Variants in PCDHGA8 observed in about 807,000 individuals in gnomAD.
PCDHGA8 encodes the protein protocadherin gamma subfamily A, 8, also known as protocadherin gamma-A8.
PCDHGA8 carries 45 observed loss-of-function variants against 59.2 expected under a neutral mutation model. The observed-to-expected ratio is 0.76, with a 90% CI of 0.60 to 0.98. PCDHGA8 has a LOEUF of 0.98. PCDHGA8 is among the 50% of genes least tolerant of loss of function. The pLI is 0.00. For synonymous variants in PCDHGA8, 531 were observed against 519.0 expected (o/e 1.02, Z -0.32); for missense variants, 1,257 against 1,196.2 (o/e 1.05, Z -0.75).
chr5:141,476,190 C>T lies in PCDHGA8; in HGVS notation c.2425-18617C>T. On this transcript the variant is annotated intron_variant, in intron 1 of 3. Transcript: ENST00000398604. The surrounding 1 kb of genome is among the most constrained non-coding windows in gnomAD (Gnocchi z 7.6). ...GTGGGAGTTTTGCTTCTGCTTGGTG[C>T]CTTGAACAAGGCTTCCACGGTCATT... is the stretch of plus-strand genomic sequence containing the variant. 3.1e-6 allele frequency: 5 copies of T among 1,613,694 alleles called. No individual in the cohort carries two copies. The highest frequency in any genetic ancestry group is 4.2e-6 in the Non-Finnish European group (5 of 1,179,988).
intron 1 of PCDHGA8, chr5:141,427,255 G>C (rs1369151995): frequency 2.2e-6 from 1 of 456,746 alleles, no homozygotes; most frequent in Non-Finnish European, 4.4e-6. Flanking sequence ...GATGGTGGAG[G>C]CATGACCAGC....
intron 1 of PCDHGA8, chr5:141,419,142 G>A (rs1351034238): frequency 6.2e-7 from 1 of 1,613,902 alleles, no homozygotes; most frequent in Non-Finnish European, 8.5e-7. Context: ...ACAGACAGGG[G>A]CAAGCCTCCG....
In PCDHGA8 at chr5:141,450,826, A is replaced by AT. The variant is rs764729742; in HGVS notation, c.2425-43979dup. On this transcript the variant is annotated intron_variant, in intron 1 of 3. Coordinates refer to ENST00000398604, the MANE Select transcript of PCDHGA8 (RefSeq NM_032088.2). ...TATTTATTTATTTAATATTATTATT[A>AT]TTATTTTTTTTTTTTTGAGATGGGG... Among the ~76,000 whole-genome samples, 613 of 134,334 alleles carry AT rather than the reference A, an allele frequency of 4.6e-3. 5 individuals are homozygous for AT. Among genetic ancestry groups the AT allele is most frequent in the African/African-American group, 9.0e-3 (309 of 34,288 alleles). 88.1% of individuals were successfully genotyped at this position (134,334 alleles called of 152,430 possible).
At chr5:141,400,681 T>A in intron 1 of PCDHGA8, 1 of 834,118 alleles carries the variant, frequency 1.2e-6, no homozygotes, top group Non-Finnish European at 1.9e-6. Context: ...CAGTAAATTG[T>A]GAGTTTTTAT....
At chr5:141,494,156 C>T (rs566096073) in intron 1 of PCDHGA8, among the ~76,000 whole-genome samples, 22 of 152,316 alleles carry the variant, frequency 1.4e-4, no homozygotes, top group African/African-American at 4.3e-4. Context: ...TTGTCTGGCA[C>T]GGAGTTCTAG....
chr5:141,418,938 C>G, intron 1 of PCDHGA8: 1 of 1,613,738 alleles, frequency 6.2e-7, no homozygotes, highest in Non-Finnish European at 8.5e-7. Flanking sequence ...ATGGAGGATT[C>G]CCCTCCAGGA....
rs138831045 is a variant in PCDHGA8 at position 141,462,238 on chromosome 5, G to A, written c.2425-32569G>A. Among the ~76,000 whole-genome samples the A allele has an allele frequency of 2.9e-3, 441 of 152,288 alleles. 3 individuals carry two copies. Among genetic ancestry groups the A allele is most frequent in the African/African-American group, 9.9e-3 (412 of 41,566 alleles). On this transcript the variant is annotated intron_variant, in intron 1 of 3. Coordinates refer to ENST00000398604, the MANE Select transcript of PCDHGA8 (RefSeq NM_032088.2). ...GCCTCCCAAAGTGCAGGGATTACAG[G>A]TATGAGCCACCATGACCAGCCTAAA...
intron 1 of PCDHGA8, chr5:141,427,595 C>A: frequency 1.5e-6 from 1 of 681,870 alleles, no homozygotes; most frequent in Non-Finnish European, 2.7e-6. Flanking sequence ...CAAGCCTCAC[C>A]CTACGCATTG....
intron 1 of PCDHGA8, among the ~76,000 whole-genome samples, chr5:141,464,139 C>T (rs1200161549): frequency 6.6e-6 from 1 of 151,928 alleles, no homozygotes; most frequent in Admixed American, 6.6e-5. Flanking sequence ...GTGGTGGGCG[C>T]CTGTAGTCCC....
chr5:141,471,080 C>T (rs2099249652), intron 1 of PCDHGA8, among the ~76,000 whole-genome samples: 1 of 147,610 alleles, frequency 6.8e-6, no homozygotes, highest in African/African-American at 2.5e-5. Context: ...ACAGGGTCTC[C>T]CTCTGTTGTC....
intron 1 of PCDHGA8, among the ~76,000 whole-genome samples, chr5:141,456,907 G>A (rs1430292511): frequency 6.6e-6 from 1 of 152,108 alleles, no homozygotes; most frequent in Non-Finnish European, 1.5e-5. Flanking sequence ...AGGTTGCAGT[G>A]AGCCGAGATC....
intron 2 of PCDHGA8, among the ~76,000 whole-genome samples, chr5:141,495,507 C>T (rs1380258502): frequency 6.6e-6 from 1 of 152,188 alleles, no homozygotes; most frequent in African/African-American, 2.4e-5. Context: ...TCCGTCTTTG[C>T]CACTTTCTCT....
intron 1 of PCDHGA8, chr5:141,399,951 C>A (rs749264259): frequency 6.2e-7 from 1 of 1,612,120 alleles, no homozygotes; most frequent in Non-Finnish European, 8.5e-7. Flanking sequence ...TGCAGGCTAG[C>A]GAGCCCGGGC....
At chr5:141,400,415 T>C (rs1054517262) in intron 1 of PCDHGA8, 16 of 1,614,080 alleles carry the variant, frequency 9.9e-6, no homozygotes, top group Non-Finnish European at 1.3e-5. Flanking sequence ...TTTAATTTCC[T>C]AAAATGTAGT....
Position 141,493,775 on chromosome 5 carries a change from G to A in PCDHGA8, c.2425-1032G>A, listed in dbSNP as rs1434978072. ...CCTTGAGTGAGCCACTGGCAGTTCCGGAGCTTCCTTCTCCCTGGAGTAATC... is the reference window on the plus strand; with the variant it reads ...CCTTGAGTGAGCCACTGGCAGTTCCAGAGCTTCCTTCTCCCTGGAGTAATC... On this transcript the variant is annotated intron_variant, in intron 1 of 3. Coordinates refer to ENST00000398604, the MANE Select transcript of PCDHGA8 (RefSeq NM_032088.2). The surrounding 1 kb of genome is among the most constrained non-coding windows in gnomAD (Gnocchi z 4.3). Among the ~76,000 whole-genome samples, 1 of 152,094 alleles carries A rather than the reference G, an allele frequency of 6.6e-6. No individual in the cohort carries two copies. The highest frequency in any genetic ancestry group is 6.5e-5 in the Admixed American group (1 of 15,272).
intron 1 of PCDHGA8, chr5:141,427,848 C>A: frequency 6.4e-7 from 1 of 1,551,668 alleles, no homozygotes; most frequent in Non-Finnish European, 8.8e-7. Flanking sequence ...CGACCACGAG[C>A]AGCTGTGCGC....
At chr5:141,405,491 C>T (rs1399017717) in intron 1 of PCDHGA8, 1 of 858,762 alleles carries the variant, frequency 1.2e-6, no homozygotes, top group East Asian at 2.7e-5. Flanking sequence ...GTGATCTCGG[C>T]TCATTGCAAC....
chr5:141,402,229 A>G (rs1263337414), intron 1 of PCDHGA8, among the ~76,000 whole-genome samples: 4 of 152,110 alleles, frequency 2.6e-5, no homozygotes, highest in Non-Finnish European at 5.9e-5. Context: ...ACGTTTTTCC[A>G]GGAATTTTAT....
Position 141,489,560 on chromosome 5 carries a change from A to G in PCDHGA8, c.2425-5247A>G. On this transcript the variant is annotated intron_variant, in intron 1 of 3. Coordinates refer to ENST00000398604, the MANE Select transcript of PCDHGA8 (RefSeq NM_032088.2). The surrounding 1 kb of genome is among the most constrained non-coding windows in gnomAD (Gnocchi z 4.5). Reference sequence around the variant, plus strand: ...AGCACCAGCTGCCTGCTGCCAGTGCAGGTGGTGACTGAACACCCCCTGGAG... The same window carrying G: ...AGCACCAGCTGCCTGCTGCCAGTGCGGGTGGTGACTGAACACCCCCTGGAG... 1.2e-6 allele frequency: 2 copies of G among 1,614,142 alleles called. No homozygotes were observed. The highest frequency in any genetic ancestry group is 1.7e-6 in the Non-Finnish European group (2 of 1,180,030).
Sources: gnomAD v4.1 joint callset for allele counts (sites outside exome capture counted in the v4.1 genomes callset) on GRCh38, gnomAD v4.1.1 for gene constraint, Gnocchi (gnomAD v3.1) non-coding constraint, MANE v1.5 for transcripts, NCBI Gene and HGNC (gene_info 2026-07-23, HGNC 2026-07-21) for gene names.